NRXN2: variants seen among roughly 807,000 people sequenced by gnomAD.
NRXN2 encodes neurexin-2-beta.
A neutral mutation model predicts 128.8 loss-of-function variants in NRXN2; 29 were observed. The ratio of observed to expected loss-of-function variants is 0.23; its 90% CI spans 0.17 to 0.31. The LOEUF is 0.31. Among genes scored for constraint, NRXN2 ranks in the 10% least tolerant of loss-of-function variants. The pLI, the probability that NRXN2 is intolerant of heterozygous loss-of-function variation, is 1.00. For synonymous variants in NRXN2, 1,098 were observed against 1,075.2 expected, an observed-to-expected ratio of 1.02 and a Z score of -0.41; for missense variants, 1,881 against 2,452.6, an observed-to-expected ratio of 0.77 and a Z score of 4.92.
At position 64,635,606 on chromosome 11, in the gene NRXN2, G is replaced by C. The variant is rs1403194885; in HGVS notation, c.3404-154C>G. On this transcript the variant is annotated intron_variant, in intron 17 of 22. Transcript: ENST00000265459. The surrounding 1 kb of genome is among the most constrained non-coding windows in gnomAD (Gnocchi z 4.8). Reference sequence around the variant, plus strand: ...AGCAGCCACCAGCCCTGCCACCCCAGGGAGAAGTTGGCAGGCGGGTGCCTG... The same window carrying C: ...AGCAGCCACCAGCCCTGCCACCCCACGGAGAAGTTGGCAGGCGGGTGCCTG... Among the ~76,000 whole-genome samples the C allele has an allele frequency of 6.6e-6, 1 of 152,198 alleles. No individual in the cohort carries two copies. The highest frequency in any genetic ancestry group is 1.5e-5 in the Non-Finnish European group (1 of 68,018).
intron 11 of NRXN2, among the ~76,000 whole-genome samples, chr11:64,657,004 A>G (rs2048371704): frequency 6.6e-6 from 1 of 151,378 alleles, no homozygotes; most frequent in African/African-American, 2.4e-5. Context: ...CTCCCTCTTC[A>G]GGCCCAGCCT....
At chr11:64,692,773 G>A in intron 4 of NRXN2, 74 bp downstream of exon 4, 1 of 1,542,820 alleles carries the variant, frequency 6.5e-7, no homozygotes, top group Non-Finnish European at 9.0e-7. Flanking sequence ...GGGAAGGACA[G>A]GGAGAAGAAC....
chr11:64,667,212 T>A lies in NRXN2; in HGVS notation c.1798+38A>T, dbSNP rs1243150439. The stretch of plus-strand genomic sequence containing the variant: ...GGATGTCAGGGCAGATGGAAAGGGG[T>A]GGCCCATGGAAGGGGAAGGGTCCAG... On this transcript the variant is annotated intron_variant, in intron 9 of 22. Transcript: ENST00000265459. This position sits in a 1 kb window ranked among gnomAD's most constrained non-coding sequence, Gnocchi z 5.6. 7 of 1,601,200 alleles carry A rather than the reference T, an allele frequency of 4.4e-6. No individual in the cohort carries two copies. Among genetic ancestry groups the A allele is most frequent in the Non-Finnish European group, 6.0e-6 (7 of 1,169,116 alleles).
intron 1 of NRXN2, among the ~76,000 whole-genome samples, chr11:64,721,054 T>G (rs1592330935): frequency 6.6e-6 from 1 of 150,476 alleles, no homozygotes; most frequent in Admixed American, 6.6e-5. Flanking sequence ...CTGGGGGAGG[T>G]CTCAAGGAGG....
intron 3 of NRXN2, 115 bp from the exon 4 acceptor site, chr11:64,692,991 G>T: frequency 2.4e-6 from 2 of 825,364 alleles, no homozygotes; most frequent in Non-Finnish European, 1.9e-6. Context: ...AGAGAAGGGA[G>T]AAAAAAGCTT....
intron 6 of NRXN2, among the ~76,000 whole-genome samples, chr11:64,682,051 T>C (rs1207168453): frequency 2.0e-5 from 3 of 151,050 alleles, no homozygotes; most frequent in Non-Finnish European, 3.0e-5. Flanking sequence ...AACTCCATCT[T>C]TGGGGGGCTA....
intron 5 of NRXN2, among the ~76,000 whole-genome samples, chr11:64,689,085 T>C (rs1436080584): frequency 2.6e-5 from 4 of 151,968 alleles, no homozygotes; most frequent in South Asian, 2.1e-4. Context: ...GAGCTGATCA[T>C]CAGGAACTGC....
intron 17 of NRXN2, among the ~76,000 whole-genome samples, chr11:64,643,968 GCA>G (rs1395822205): frequency 6.7e-6 from 1 of 149,690 alleles, no homozygotes. Flanking sequence ...CAACGCACGT[GCA>G]CACTGAGATG....
intron 1 of NRXN2, among the ~76,000 whole-genome samples, chr11:64,720,067 C>T (rs900027911): frequency 2.0e-5 from 3 of 152,224 alleles, no homozygotes; most frequent in Admixed American, 6.5e-5. Context: ...GTCCTCATAA[C>T]ATCCCACTAG....
At chr11:64,712,748 C>A in intron 2 of NRXN2, 1 of 675,968 alleles carries the variant, frequency 1.5e-6, no homozygotes, top group South Asian at 1.5e-5. Flanking sequence ...CTCACGCTGA[C>A]CACGCCCAAG....
chr11:64,684,876 G>C lies in NRXN2; in HGVS notation c.1152+770C>G, dbSNP rs533257394. Among the ~76,000 whole-genome samples, 170 of 152,312 alleles carry C rather than the reference G, an allele frequency of 1.1e-3. 1 individual carries two copies. The highest frequency in any genetic ancestry group is 3.9e-3 in the African/African-American group (162 of 41,562). On this transcript the variant is annotated intron_variant, in intron 6 of 22. Transcript: ENST00000265459. ...TGGGAACAGGAGCTCCTGTCTGCAGGAGCCAATGCAGGAAGGACTCTGAGC... is the reference window on the plus strand; with the variant it reads ...TGGGAACAGGAGCTCCTGTCTGCAGCAGCCAATGCAGGAAGGACTCTGAGC...
intron 6 of NRXN2, among the ~76,000 whole-genome samples, chr11:64,679,506 G>A (rs994194765): frequency 3.9e-5 from 6 of 152,040 alleles, no homozygotes; most frequent in Non-Finnish European, 5.9e-5. Flanking sequence ...GCGTGGTGGC[G>A]GGCGCCCGTA....
chr11:64,651,902 AG>A lies in NRXN2; in HGVS notation c.2536+132del. On this transcript the variant is annotated intron_variant, in intron 13 of 22. Transcript: ENST00000265459. The surrounding 1 kb of genome is among the most constrained non-coding windows in gnomAD (Gnocchi z 5.9). Reference sequence around the variant, plus strand: ...GATGCCCATAACATTCCACCCCTGAAGGAGAAATGGCAGAGGCAGCTTGCCA... The same window carrying A: ...GATGCCCATAACATTCCACCCCTGAAGAGAAATGGCAGAGGCAGCTTGCCA... The A allele has an allele frequency of 7.2e-7, 1 of 1,394,990 alleles. No individual in the cohort carries two copies. Among genetic ancestry groups the A allele is most frequent in the South Asian group, 1.2e-5 (1 of 85,872 alleles). 86.4% of individuals were successfully genotyped at this position (1,394,990 alleles called of 1,614,324 possible).
At chr11:64,610,102 C>T (rs996873583) in intron 22 of NRXN2, among the ~76,000 whole-genome samples, 1 of 152,104 alleles carries the variant, frequency 6.6e-6, no homozygotes, top group East Asian at 1.9e-4. Context: ...TCCTTGGCCA[C>T]GCCAGCCAGC....
At chr11:64,697,255 C>T (rs2054675692) in intron 3 of NRXN2, among the ~76,000 whole-genome samples, 1 of 152,126 alleles carries the variant, frequency 6.6e-6, no homozygotes, top group Admixed American at 6.5e-5. Context: ...TCCCACTATA[C>T]ACCTCCAACC....
chr11:64,702,045 G>C (rs1293614224), intron 2 of NRXN2, among the ~76,000 whole-genome samples: 2 of 149,976 alleles, frequency 1.3e-5, no homozygotes, highest in Non-Finnish European at 3.0e-5. Flanking sequence ...CCGTCCGGGA[G>C]GTGAGGGGTG....
rs1466644119 is a variant in NRXN2, at chr11:64,623,179, T to C, written c.3848-101A>G. On this transcript the variant is annotated intron_variant, in intron 20 of 22. Coordinates refer to ENST00000265459, the MANE Select transcript of NRXN2 (RefSeq NM_015080.4). This position sits in a 1 kb window ranked among gnomAD's most constrained non-coding sequence, Gnocchi z 4.9. ...GGAAGCCAAGGAGAGGAAAGAGGAATGGAGGAGAAAGCCAGTAAGGGAGGA... is the reference window on the plus strand; with the variant it reads ...GGAAGCCAAGGAGAGGAAAGAGGAACGGAGGAGAAAGCCAGTAAGGGAGGA... 2 of 1,466,762 alleles carry C rather than the reference T, an allele frequency of 1.4e-6. No individual in the cohort carries two copies. The highest frequency in any genetic ancestry group is 9.1e-7 in the Non-Finnish European group (1 of 1,104,700). 90.9% of individuals were successfully genotyped at this position (1,466,762 alleles called of 1,614,324 possible). A position where few individuals can be genotyped will look rare whatever the true frequency, so the allele number is the denominator to read the frequency against.
At chr11:64,704,630 A>G (rs1020370564) in intron 2 of NRXN2, among the ~76,000 whole-genome samples, 10 of 97,216 alleles carry the variant, frequency 1.0e-4, no homozygotes, top group African/African-American at 4.6e-4. Flanking sequence ...ACACAGAGAG[A>G]GAGAGAGAGA....
At chr11:64,703,639 G>A (rs1268006290) in intron 2 of NRXN2, among the ~76,000 whole-genome samples, 3 of 152,106 alleles carry the variant, frequency 2.0e-5, no homozygotes, top group African/African-American at 4.8e-5. Context: ...CACATCCCCT[G>A]TATTCCTCAT....
Sources: allele counts gnomAD v4.1 joint callset (sites outside exome capture counted in the v4.1 genomes callset), GRCh38; gene constraint gnomAD v4.1.1; non-coding constraint Gnocchi (gnomAD v3.1); transcripts MANE v1.5; gene names NCBI Gene and HGNC (gene_info 2026-07-23, HGNC 2026-07-21).